LHPP: variants seen among roughly 807,000 people sequenced by gnomAD.
LHPP encodes the protein hLHPP.
LHPP carries 24 observed loss-of-function variants against 30.3 expected under a neutral mutation model. The ratio of observed to expected loss-of-function variants is 0.79; its 90% CI spans 0.57 to 1.11. The LOEUF (loss-of-function observed/expected upper bound fraction) is 1.11. Among genes scored for constraint, LHPP ranks in the 50% most tolerant of loss-of-function variants. The pLI, the probability that LHPP is intolerant of heterozygous loss-of-function variation, is 0.00. For missense variants in LHPP, 356 were observed against 367.2 expected, an observed-to-expected ratio of 0.97 and a Z score of 0.25; for synonymous variants, 150 against 157.1, an observed-to-expected ratio of 0.95 and a Z score of 0.34.
At chr10:124,508,460 G>A (rs187583538) in intron 5 of LHPP, among the ~76,000 whole-genome samples, 7 of 152,312 alleles carry the variant, frequency 4.6e-5, no homozygotes, top group Admixed American at 4.6e-4. Flanking sequence ...CCCTGCAGCT[G>A]TGGGTCTGAA....
intron 6 of LHPP, among the ~76,000 whole-genome samples, chr10:124,574,397 C>T (rs1413721643): frequency 6.6e-6 from 1 of 152,154 alleles, no homozygotes; most frequent in Admixed American, 6.5e-5. Context: ...CGGCATAGTC[C>T]CCTCGAGTCC....
intron 3 of LHPP, chr10:124,489,767 CTTTT>C: frequency 6.4e-6 from 1 of 155,734 alleles, no homozygotes; most frequent in South Asian, 1.4e-4. Context: ...TAATTTTTTT[CTTTT>C]TTTTTTTTTC....
chr10:124,501,312 T>G (rs1407546470), intron 5 of LHPP, among the ~76,000 whole-genome samples: 1 of 151,700 alleles, frequency 6.6e-6, no homozygotes, highest in African/African-American at 2.4e-5. Context: ...ACAAATATTC[T>G]GGAACTGGGC....
At chr10:124,574,090 C>T (rs776481559) in intron 6 of LHPP, among the ~76,000 whole-genome samples, 1 of 152,140 alleles carries the variant, frequency 6.6e-6, no homozygotes, top group Non-Finnish European at 1.5e-5. Context: ...CTCCCAACGC[C>T]CCTGTGAGTT....
chr10:124,486,367 A>G (rs1953326027), intron 2 of LHPP, among the ~76,000 whole-genome samples: 2 of 152,190 alleles, frequency 1.3e-5, no homozygotes, highest in African/African-American at 2.4e-5. Context: ...CATACAGTAT[A>G]TAATTGTGCT....
At chr10:124,466,265 C>T (rs118177680) in intron 1 of LHPP, among the ~76,000 whole-genome samples, 3,352 of 152,244 alleles carry the variant, frequency 0.022, 71 homozygotes, top group Middle Eastern at 0.071. Flanking sequence ...ATGCACGGTG[C>T]GCTGTTTCTG....
At chr10:124,476,998 G>A (rs1240815340) in intron 1 of LHPP, among the ~76,000 whole-genome samples, 1 of 152,186 alleles carries the variant, frequency 6.6e-6, no homozygotes, top group Non-Finnish European at 1.5e-5. Flanking sequence ...ACGAGGTCAG[G>A]AGTTCAAGAC....
chr10:124,584,877 AG>A (rs1231995301), intron 6 of LHPP, among the ~76,000 whole-genome samples: 23 of 147,752 alleles, frequency 1.6e-4, no homozygotes, highest in African/African-American at 5.6e-4. Flanking sequence ...TGACAGCAAC[AG>A]TGGAAAATTC....
chr10:124,612,270 G>T (rs1329481881), intron 6 of LHPP, among the ~76,000 whole-genome samples: 1 of 152,198 alleles, frequency 6.6e-6, no homozygotes. Context: ...GCCGGGCGTG[G>T]TGGCGGGTGC....
rs145784488 is a variant in LHPP at position 124,571,749 on chromosome 10, G to T, written c.717-41515G>T. Among the ~76,000 whole-genome samples, 181 of 152,134 alleles carry T rather than the reference G, an allele frequency of 1.2e-3. 1 individual carries two copies. The highest frequency in any genetic ancestry group is 4.0e-3 in the African/African-American group (167 of 41,534). ...TGGCTGGCCACCCTGCCAGCACCAC[G>T]CTGGTCCTCAGGAAGCATCATCAGT... On this transcript the variant is annotated intron_variant, in intron 6 of 6. Coordinates refer to ENST00000368842, the MANE Select transcript of LHPP (RefSeq NM_022126.4).
At chr10:124,536,461 C>G (rs1438165140) in intron 6 of LHPP, among the ~76,000 whole-genome samples, 1 of 152,232 alleles carries the variant, frequency 6.6e-6, no homozygotes, top group Non-Finnish European at 1.5e-5. Context: ...CGGCCCCTCT[C>G]CCTCCACCCT....
chr10:124,488,087 T>G (rs1197249979), intron 2 of LHPP, among the ~76,000 whole-genome samples: 1 of 152,192 alleles, frequency 6.6e-6, no homozygotes, highest in Non-Finnish European at 1.5e-5. Flanking sequence ...CTCAGTGTCT[T>G]CTGAGCAGAT....
At chr10:124,594,138 G>C (rs1948914016) in intron 6 of LHPP, among the ~76,000 whole-genome samples, 1 of 152,042 alleles carries the variant, frequency 6.6e-6, no homozygotes, top group Non-Finnish European at 1.5e-5. Flanking sequence ...CACCAGCCTG[G>C]CCAACATGGG....
intron 6 of LHPP, among the ~76,000 whole-genome samples, chr10:124,520,283 C>T (rs1954578081): frequency 6.6e-6 from 1 of 151,636 alleles, no homozygotes; most frequent in South Asian, 2.1e-4. Flanking sequence ...TGATCCTCTC[C>T]CTCCTCCCCT....
rs576901364 is a variant in LHPP at position 124,517,342 on chromosome 10, C to T, written c.716+71C>T. ...GACCACATTCTCATTCTGTTTTGTTCTTCAAAATAAAGGGGATATTCTTTC... is the reference window on the plus strand; with the variant it reads ...GACCACATTCTCATTCTGTTTTGTTTTTCAAAATAAAGGGGATATTCTTTC... On this transcript the variant is annotated intron_variant, in intron 6 of 6. Transcript: ENST00000368842. The surrounding 1 kb of genome is among the most constrained non-coding windows in gnomAD (Gnocchi z 4.1). 4.7e-4 allele frequency: 479 copies of T among 1,025,696 alleles called. 6 individuals carry two copies. The South Asian group carries it at 7.5e-3, about 16-fold the overall frequency. The allele number at this position is 1,025,696 out of a possible 1,614,324, so 63.5% of individuals were successfully genotyped here.
intron 2 of LHPP, among the ~76,000 whole-genome samples, chr10:124,485,096 G>T (rs561747277): frequency 6.6e-6 from 1 of 152,074 alleles, no homozygotes; most frequent in African/African-American, 2.4e-5. Context: ...GCAAGGTGGG[G>T]GCTCTCAAGA....
chr10:124,511,914 C>T (rs962855937), intron 5 of LHPP, among the ~76,000 whole-genome samples: 1 of 152,076 alleles, frequency 6.6e-6, no homozygotes, highest in African/African-American at 2.4e-5. Flanking sequence ...CGTGTCCCAC[C>T]TGTCCTCCAT....
At chr10:124,566,352 G>A (rs565710870) in intron 6 of LHPP, among the ~76,000 whole-genome samples, 2 of 152,276 alleles carry the variant, frequency 1.3e-5, no homozygotes, top group East Asian at 3.9e-4. Context: ...CCCTGGGAGC[G>A]CTGGGCAGGG....
At chr10:124,465,669 C>T (rs765040285) in intron 1 of LHPP, among the ~76,000 whole-genome samples, 2 of 152,136 alleles carry the variant, frequency 1.3e-5, no homozygotes, top group African/African-American at 4.8e-5. Context: ...TCAAGCCACT[C>T]TTGTGCCTCA....
Sources: allele counts gnomAD v4.1 joint callset (sites outside exome capture counted in the v4.1 genomes callset), GRCh38; gene constraint gnomAD v4.1.1; non-coding constraint Gnocchi (gnomAD v3.1); transcripts MANE v1.5; gene names NCBI Gene and HGNC (gene_info 2026-07-23, HGNC 2026-07-21).